The following GRIP1 variants were observed in gnomAD, a reference collection of about 807,000 sequenced individuals.
GRIP1 encodes the protein glutamate receptor interacting protein 1, also known as glutamate receptor-interacting protein 1.
GRIP1 carries 45 observed loss-of-function variants against 129.9 expected under a neutral mutation model. That is an observed-to-expected ratio of 0.35 (90% CI 0.27 to 0.44). GRIP1 has a LOEUF of 0.44. Ranked by LOEUF, GRIP1 falls within the 20% of genes least tolerant of loss-of-function variation. The pLI is 1.00. For synonymous variants in GRIP1, 530 were observed against 520.8 expected (o/e 1.02, Z -0.24); for missense variants, 1,196 against 1,396.8 (o/e 0.86, Z 2.29).
At chr12:66,584,476 G>A (rs999288375) in intron 2 of GRIP1, among the ~76,000 whole-genome samples, 12 of 152,210 alleles carry the variant, frequency 7.9e-5, no homozygotes, top group African/African-American at 2.9e-4. Flanking sequence ...GGGAGGCTGA[G>A]GCAGGAGAAT....
chr12:66,659,757 T>A (rs1445997156), intron 1 of GRIP1, among the ~76,000 whole-genome samples: 2 of 152,174 alleles, frequency 1.3e-5, no homozygotes, highest in African/African-American at 4.8e-5. Flanking sequence ...AGGACCCAGT[T>A]TTGTAGCATA....
At chr12:66,697,444 A>G (rs1249373499) in intron 1 of GRIP1, among the ~76,000 whole-genome samples, 1 of 152,124 alleles carries the variant, frequency 6.6e-6, no homozygotes, top group Non-Finnish European at 1.5e-5. Context: ...CTTTAAACAA[A>G]CCATTTTTGA....
intron 1 of GRIP1, among the ~76,000 whole-genome samples, chr12:66,909,926 A>G (rs889301859): frequency 1.3e-5 from 2 of 152,204 alleles, no homozygotes; most frequent in Non-Finnish European, 2.9e-5. Context: ...TTTGGACAGC[A>G]TCCAAACTAT....
Position 66,868,449 on chromosome 12 carries a change from T to C in GRIP1, c.58+200601A>G, listed in dbSNP as rs182601693. Among the ~76,000 whole-genome samples the C allele has an allele frequency of 9.2e-5, 14 of 152,242 alleles. No individual in the cohort carries two copies. In the East Asian group the frequency reaches 2.3e-3, roughly 25 times the overall value. On this transcript the variant is annotated intron_variant, in intron 1 of 1. Coordinates refer to the GRIP1 transcript ENST00000643019. Reference sequence around the variant, plus strand: ...CTACAAAATGTAGATGTTATTATCCTGTCTGGACAGATGAGGAAATTGTAG... The same window carrying C: ...CTACAAAATGTAGATGTTATTATCCCGTCTGGACAGATGAGGAAATTGTAG...
intron 1 of GRIP1, among the ~76,000 whole-genome samples, chr12:66,757,264 T>C (rs1358185014): frequency 6.6e-6 from 1 of 152,144 alleles, no homozygotes; most frequent in African/African-American, 2.4e-5. Context: ...TCCCAGCCTC[T>C]GGTAACCACC....
chr12:66,393,702 T>C (rs2056681950), intron 17 of GRIP1, among the ~76,000 whole-genome samples: 1 of 152,124 alleles, frequency 6.6e-6, no homozygotes, highest in African/African-American at 2.4e-5. Flanking sequence ...GTGTACATCA[T>C]TGCCAAAGGA....
chr12:66,468,116 C>T (rs1400954059), intron 7 of GRIP1, among the ~76,000 whole-genome samples: 6 of 152,212 alleles, frequency 3.9e-5, no homozygotes, highest in Admixed American at 3.3e-4. Flanking sequence ...CATTTCCCAG[C>T]CTCCCTTGCA....
At chr12:67,027,379 C>T (rs1005020363) in intron 1 of GRIP1, among the ~76,000 whole-genome samples, 3 of 152,214 alleles carry the variant, frequency 2.0e-5, no homozygotes, top group Non-Finnish European at 4.4e-5. Flanking sequence ...AGGTACCTTA[C>T]GTAGCTGTTG....
chr12:66,879,258 T>C (rs2040433486), intron 1 of GRIP1, among the ~76,000 whole-genome samples: 2 of 145,456 alleles, frequency 1.4e-5, no homozygotes, highest in South Asian at 4.5e-4. Context: ...AAGTCTGAAG[T>C]AGCTTGCAAA....
chr12:66,690,887 C>A (rs933396179), intron 1 of GRIP1, among the ~76,000 whole-genome samples: 1 of 151,564 alleles, frequency 6.6e-6, no homozygotes, highest in Non-Finnish European at 1.5e-5. Context: ...GAGCTATGAT[C>A]CTGCCACTGC....
intron 1 of GRIP1, among the ~76,000 whole-genome samples, chr12:67,001,003 T>G (rs2042543101): frequency 6.6e-6 from 1 of 152,236 alleles, no homozygotes; most frequent in Non-Finnish European, 1.5e-5. Flanking sequence ...TCCTGTATTT[T>G]ATCTGGCAAC....
chr12:66,469,119 G>C (rs2059367777), intron 7 of GRIP1, among the ~76,000 whole-genome samples: 1 of 152,194 alleles, frequency 6.6e-6, no homozygotes, highest in Non-Finnish European at 1.5e-5. Flanking sequence ...CAAGGCTCAA[G>C]GCTGGAGCTG....
chr12:66,579,790 G>C (rs11176277), intron 2 of GRIP1, among the ~76,000 whole-genome samples: 132,519 of 151,036 alleles, frequency 0.88, 58,301 homozygotes, highest in East Asian at 0.96. Flanking sequence ...ATTGGTGTCC[G>C]TGAAAGTGAC....
chr12:66,421,705 A>C (rs1226647194), intron 14 of GRIP1, among the ~76,000 whole-genome samples: 2 of 151,230 alleles, frequency 1.3e-5, no homozygotes, highest in African/African-American at 4.9e-5. Context: ...TAGTTAACTA[A>C]ATTTTTATAT....
chr12:66,757,739 A>G (rs1343595575), intron 1 of GRIP1, among the ~76,000 whole-genome samples: 2 of 152,138 alleles, frequency 1.3e-5, no homozygotes, highest in East Asian at 3.8e-4. Context: ...CCTTTTCTCT[A>G]CATCCTCATC....
At chr12:66,809,810 T>C (rs1777696385) in intron 1 of GRIP1, among the ~76,000 whole-genome samples, 1 of 151,936 alleles carries the variant, frequency 6.6e-6, no homozygotes, top group African/African-American at 2.4e-5. Flanking sequence ...CAGGCATGTC[T>C]CACCACATAC....
intron 14 of GRIP1, among the ~76,000 whole-genome samples, chr12:66,426,748 C>G (rs564879436): frequency 6.6e-6 from 1 of 152,244 alleles, no homozygotes; most frequent in African/African-American, 2.4e-5. Flanking sequence ...TAAGTTGAGG[C>G]CAGGCTGTTT....
chr12:66,707,208 A>G (rs1373610476), intron 1 of GRIP1, among the ~76,000 whole-genome samples: 4 of 151,858 alleles, frequency 2.6e-5, no homozygotes, highest in Non-Finnish European at 5.9e-5. Context: ...CAAAGTCCAC[A>G]TGCTCTTAGA....
chr12:66,490,249 CA>C (rs1565794425), intron 7 of GRIP1, among the ~76,000 whole-genome samples: 1 of 152,090 alleles, frequency 6.6e-6, no homozygotes, highest in African/African-American at 2.4e-5. Context: ...TTACAGTAAC[CA>C]AAACAACATG....
Sources: gnomAD v4.1 joint callset for allele counts (sites outside exome capture counted in the v4.1 genomes callset) on GRCh38, gnomAD v4.1.1 for gene constraint, MANE v1.5 for transcripts, NCBI Gene and HGNC (gene_info 2026-07-23, HGNC 2026-07-21) for gene names.